Variants in TAF4B observed in about 807,000 individuals in gnomAD.
TAF4B encodes the protein TATA-box binding protein associated factor 4b, also known as transcription initiation factor TFIID subunit 4B.
A neutral mutation model predicts 86.4 loss-of-function variants in TAF4B; 38 were observed. The ratio of observed to expected loss-of-function variants is 0.44; its 90% CI spans 0.34 to 0.58. The LOEUF (loss-of-function observed/expected upper bound fraction) is 0.58. Among genes scored for constraint, TAF4B ranks in the 20% least tolerant of loss-of-function variants. The pLI, the probability that TAF4B is intolerant of heterozygous loss-of-function variation, is 0.02. For missense variants in TAF4B, 988 were observed against 1,027.6 expected (o/e 0.96, Z 0.53); for synonymous variants, 388 against 391.2 (o/e 0.99, Z 0.10).
chr18:26,363,133 T>G (rs1445445896), intron 14 of TAF4B, among the ~76,000 whole-genome samples: 1 of 152,120 alleles, frequency 6.6e-6, no homozygotes, highest in Non-Finnish European at 1.5e-5. Context: ...GACTATAATG[T>G]CAATTTGAAT....
intron 9 of TAF4B, among the ~76,000 whole-genome samples, chr18:26,302,660 G>A (rs531659215): frequency 6.6e-6 from 1 of 152,072 alleles, no homozygotes; most frequent in South Asian, 2.1e-4. Context: ...ATCATGCCCA[G>A]CCTATTTGAA....
At chr18:26,369,470 G>GT (rs2057392891) in intron 14 of TAF4B, among the ~76,000 whole-genome samples, 1 of 152,212 alleles carries the variant, frequency 6.6e-6, no homozygotes, top group African/African-American at 2.4e-5. Context: ...AGCTGGAACT[G>GT]TTTCCCAGAT....
At chr18:26,312,435 G>A (rs1469422248) in intron 9 of TAF4B, among the ~76,000 whole-genome samples, 1 of 152,156 alleles carries the variant, frequency 6.6e-6, no homozygotes, top group African/African-American at 2.4e-5. Flanking sequence ...GTAACTAGAG[G>A]GAGTTGTGTT....
chr18:26,347,161 C>T (rs1339369658), intron 13 of TAF4B, among the ~76,000 whole-genome samples: 1 of 151,412 alleles, frequency 6.6e-6, no homozygotes, highest in African/African-American at 2.4e-5. Context: ...ACCTTGTGAT[C>T]CGTCCGCCTC....
At chr18:26,274,634 G>A (rs756804632) in intron 3 of TAF4B, 29 bp from the exon 4 acceptor site, 6 of 1,613,276 alleles carry the variant, frequency 3.7e-6, no homozygotes, top group Non-Finnish European at 5.1e-6. Context: ...AGTAATACAT[G>A]CCTAAATATT....
rs2055579034 is a variant in TAF4B at position 26,226,669 on chromosome 18, G to C, written c.-265G>C. ...CAGGGCTGAGGCAGCGCACGTGTGA[G>C]CGCCGCTGAGGAAGCTGCGAGAGGT... On this transcript the variant is annotated 5_prime_UTR_variant, in exon 1 of 15. Transcript: ENST00000269142. 2.8e-6 allele frequency: 1 copy of C among 353,860 alleles called. No individual in the cohort carries two copies. Among genetic ancestry groups the C allele is most frequent in the Non-Finnish European group, 5.0e-6 (1 of 198,626 alleles). 21.9% of individuals were successfully genotyped at this position (353,860 alleles called of 1,614,324 possible).
At chr18:26,231,871 C>T (rs60968202) in intron 1 of TAF4B, among the ~76,000 whole-genome samples, 13,058 of 152,134 alleles carry the variant, frequency 0.086, 1,715 homozygotes, top group African/African-American at 0.29. Context: ...GTTGTTGCTG[C>T]TGGCTGGAGT....
chr18:26,338,705 C>T (rs765462938), intron 13 of TAF4B, among the ~76,000 whole-genome samples: 4 of 151,690 alleles, frequency 2.6e-5, no homozygotes, highest in African/African-American at 4.8e-5. Flanking sequence ...TTTGAACTCC[C>T]GACGTCAGGT....
At chr18:26,265,391 TGCTA>T (rs1340998243) in intron 2 of TAF4B, 76 bp downstream of exon 2, 1 of 1,422,300 alleles carries the variant, frequency 7.0e-7, no homozygotes, top group African/African-American at 1.5e-5. Flanking sequence ...TGTATATGTT[TGCTA>T]GTAAAAAATA....
chr18:26,283,059 C>G (rs1332469212), intron 6 of TAF4B, among the ~76,000 whole-genome samples: 6 of 152,162 alleles, frequency 3.9e-5, no homozygotes, highest in Non-Finnish European at 8.8e-5. Flanking sequence ...TTCTGAACCC[C>G]TCATAGTCAT....
chr18:26,328,759 A>C (rs1423258348), intron 12 of TAF4B, among the ~76,000 whole-genome samples: 1 of 151,946 alleles, frequency 6.6e-6, no homozygotes, highest in Non-Finnish European at 1.5e-5. Flanking sequence ...AGCTGGGACT[A>C]CAGACGCTCA....
chr18:26,253,274 T>C (rs1456021126), intron 1 of TAF4B, among the ~76,000 whole-genome samples: 1 of 152,224 alleles, frequency 6.6e-6, no homozygotes, highest in Non-Finnish European at 1.5e-5. Flanking sequence ...TTGGGTCTTT[T>C]TATCTGAAAG....
intron 14 of TAF4B, among the ~76,000 whole-genome samples, chr18:26,384,776 C>T (rs1413981433): frequency 6.6e-6 from 1 of 152,208 alleles, no homozygotes; most frequent in Non-Finnish European, 1.5e-5. Context: ...ATGCCATTGT[C>T]ATTTAATCTT....
At chr18:26,374,152 C>T (rs2057426484) in intron 14 of TAF4B, among the ~76,000 whole-genome samples, 1 of 152,158 alleles carries the variant, frequency 6.6e-6, no homozygotes, top group Admixed American at 6.5e-5. Context: ...CTTCCCAGGG[C>T]AAATTGTGTG....
At chr18:26,325,108 C>T (rs554042545) in intron 11 of TAF4B, among the ~76,000 whole-genome samples, 18 of 152,306 alleles carry the variant, frequency 1.2e-4, no homozygotes, top group Admixed American at 3.9e-4. Flanking sequence ...TAGTCATAAA[C>T]TGAGATCTAA....
intron 1 of TAF4B, among the ~76,000 whole-genome samples, chr18:26,250,061 G>A (rs1009854330): frequency 1.6e-4 from 25 of 152,054 alleles, no homozygotes; most frequent in Admixed American, 1.4e-3. Flanking sequence ...TTTGAAACAG[G>A]GTCTCACTCT....
In TAF4B at chr18:26,293,551, A is replaced by T. The variant is rs773443592; in HGVS notation, c.1832+20A>T. ...CTTCCGGTAAGAAAATAAATAGTTA[A>T]ATTTGGTTTAAGGAAGTAATTTTTT... On this transcript the variant is annotated intron_variant, in intron 9 of 14. Transcript: ENST00000269142. 1 of 1,515,656 alleles carries T rather than the reference A, an allele frequency of 6.6e-7. No homozygotes were observed. The highest frequency in any genetic ancestry group is 8.9e-7 in the Non-Finnish European group (1 of 1,128,718). 93.9% of individuals were successfully genotyped at this position (1,515,656 alleles called of 1,614,324 possible). A position where few individuals can be genotyped will look rare whatever the true frequency, so the allele number is the denominator to read the frequency against.
intron 13 of TAF4B, among the ~76,000 whole-genome samples, chr18:26,346,811 ATATATGTG>A (rs1275581900): frequency 6.7e-5 from 2 of 29,994 alleles, no homozygotes; most frequent in African/African-American, 1.4e-4. Context: ...GTATATATAT[ATATATGTG>A]TGTGTATATA....
intron 9 of TAF4B, among the ~76,000 whole-genome samples, chr18:26,296,436 G>GT (rs924477486): frequency 7.0e-6 from 1 of 142,400 alleles, no homozygotes; most frequent in Non-Finnish European, 1.5e-5. Context: ...CTTTTCTGCA[G>GT]TTTTTTTTCC....
Sources: allele counts gnomAD v4.1 joint callset (sites outside exome capture counted in the v4.1 genomes callset), GRCh38; gene constraint gnomAD v4.1.1; transcripts MANE v1.5; gene names NCBI Gene and HGNC (gene_info 2026-07-23, HGNC 2026-07-21).